PHF24: variants seen among roughly 807,000 people sequenced by gnomAD.
The protein encoded by PHF24 is PHD finger protein 24, also known as Galpha inhibitory interacting protein.
Under a neutral mutation model 42.6 loss-of-function variants are expected in PHF24, and 25 were observed. The observed-to-expected ratio is 0.59, with a 90% CI of 0.43 to 0.82. PHF24 has a LOEUF of 0.82. PHF24 is among the 40% of genes least tolerant of loss of function. The pLI is 0.00. For synonymous variants in PHF24, 185 were observed against 204.8 expected (o/e 0.90, Z 0.83); for missense variants, 470 against 538.1 (o/e 0.87, Z 1.25).
chr9:34,726,856 A>C, the PHF24 span: 4 of 1,551,688 alleles, frequency 2.6e-6, no homozygotes, highest in Non-Finnish European at 3.5e-6. Flanking sequence ...GCCCCGATAA[A>C]GTCAGGGAGA....
chr9:34,799,373 C>T, the PHF24 span, among the ~76,000 whole-genome samples: 1 of 152,076 alleles, frequency 6.6e-6, no homozygotes, highest in African/African-American at 2.4e-5. Flanking sequence ...ATGCCTTTGT[C>T]ATAGGGTTAT....
the PHF24 span, chr9:34,724,327 T>A: frequency 6.4e-7 from 1 of 1,551,402 alleles, no homozygotes; most frequent in Non-Finnish European, 8.7e-7. Context: ...TCTGCTGCAC[T>A]GCCTTCAAGT....
chr9:34,790,056 C>T, the PHF24 span, among the ~76,000 whole-genome samples: 1 of 152,158 alleles, frequency 6.6e-6, no homozygotes, highest in Non-Finnish European at 1.5e-5. Flanking sequence ...CTATATTGCC[C>T]AGGCTGATCT....
chr9:34,798,051 G>A, the PHF24 span, among the ~76,000 whole-genome samples: 3 of 152,158 alleles, frequency 2.0e-5, no homozygotes, highest in Admixed American at 1.3e-4. Context: ...GTAGAGAAAA[G>A]GTGTGACCAC....
chr9:34,720,205 G>A, the PHF24 span, among the ~76,000 whole-genome samples: 1 of 152,104 alleles, frequency 6.6e-6, no homozygotes, highest in Non-Finnish European at 1.5e-5. Flanking sequence ...AGCGCTTTGG[G>A]AGGCCGAGGC....
the PHF24 span, among the ~76,000 whole-genome samples, chr9:34,919,915 G>GTGTA: frequency 3.3e-5 from 5 of 152,130 alleles, no homozygotes; most frequent in African/African-American, 1.2e-4. Flanking sequence ...GTACTCCATT[G>GTGTA]TGTATATGTG....
At chr9:34,761,664 A>G in the PHF24 span, among the ~76,000 whole-genome samples, 2 of 152,004 alleles carry the variant, frequency 1.3e-5, no homozygotes, top group East Asian at 3.9e-4. Context: ...AGAGAGCCCT[A>G]CTCATACTCT....
chr9:34,860,946 T>A, the PHF24 span, among the ~76,000 whole-genome samples: 1 of 152,118 alleles, frequency 6.6e-6, no homozygotes, highest in Non-Finnish European at 1.5e-5. Context: ...AATTTCTGCC[T>A]GGGGGCATCT....
At chr9:34,718,994 G>A in the PHF24 span, among the ~76,000 whole-genome samples, 2 of 152,150 alleles carry the variant, frequency 1.3e-5, no homozygotes, top group African/African-American at 4.8e-5. Flanking sequence ...AAGCACTGAT[G>A]TATTCCTAGC....
chr9:34,716,565 C>CTTTGTTTTGTTTTGTTTTGTTTTGT, the PHF24 span, among the ~76,000 whole-genome samples: 9 of 148,212 alleles, frequency 6.1e-5, no homozygotes, highest in African/African-American at 2.3e-4. Context: ...TTTTGTTTTG[C>CTTTGTTTTGTTTTGTTTTGTTTTGT]TTTGTTTTGT....
the PHF24 span, among the ~76,000 whole-genome samples, chr9:34,933,712 G>A: frequency 2.0e-5 from 3 of 148,928 alleles, no homozygotes; most frequent in Non-Finnish European, 4.4e-5. Context: ...GCAACAGAGT[G>A]AGACTCTGTC....
At chr9:34,807,272 C>G in the PHF24 span, among the ~76,000 whole-genome samples, 1 of 152,178 alleles carries the variant, frequency 6.6e-6, no homozygotes, top group East Asian at 1.9e-4. Context: ...CCTGGTTGAT[C>G]TTAAGCCGTG....
chr9:34,967,477 T>C (rs1168228775), intron 1 of PHF24, among the ~76,000 whole-genome samples: 1 of 152,244 alleles, frequency 6.6e-6, no homozygotes, highest in Non-Finnish European at 1.5e-5. Flanking sequence ...TGAGCCACAG[T>C]TGAAAGTTTT....
chr9:34,832,527 C>T, the PHF24 span: 1 of 1,524,598 alleles, frequency 6.6e-7, no homozygotes. Context: ...CCCCACAGGG[C>T]TCTTGGCTGG....
At chr9:34,863,961 A>G in the PHF24 span, among the ~76,000 whole-genome samples, 1 of 152,272 alleles carries the variant, frequency 6.6e-6, no homozygotes, top group East Asian at 1.9e-4. Flanking sequence ...AAATAATTAA[A>G]AAGAATCAAG....
intron 1 of PHF24, among the ~76,000 whole-genome samples, chr9:34,965,040 C>G (rs1431804835): frequency 6.6e-6 from 1 of 152,176 alleles, no homozygotes. Flanking sequence ...ACTTGATTTC[C>G]TTTTAACTCT....
the PHF24 span, among the ~76,000 whole-genome samples, chr9:34,715,379 C>T: frequency 6.6e-6 from 1 of 152,088 alleles, no homozygotes; most frequent in South Asian, 2.1e-4. Context: ...CAGCTGCTGG[C>T]CTGGGTTTAT....
At chr9:34,717,581 C>T in the PHF24 span, among the ~76,000 whole-genome samples, 2 of 152,148 alleles carry the variant, frequency 1.3e-5, no homozygotes, top group Non-Finnish European at 2.9e-5. Flanking sequence ...TAAGAGCACA[C>T]AGCCACATTG....
At chr9:34,682,995 C>T in the PHF24 span, among the ~76,000 whole-genome samples, 2 of 152,008 alleles carry the variant, frequency 1.3e-5, no homozygotes, top group South Asian at 2.1e-4. Flanking sequence ...AAAAATCAAG[C>T]GAACAAGTTG....
Sources: allele counts gnomAD v4.1 joint callset (sites outside exome capture counted in the v4.1 genomes callset), GRCh38; gene constraint gnomAD v4.1.1; transcripts MANE v1.5; gene names NCBI Gene and HGNC (gene_info 2026-07-23, HGNC 2026-07-21).